Variants in GOSR2 observed in about 807,000 individuals in gnomAD.
The protein encoded by GOSR2 is golgi SNAP receptor complex member 2, also known as 27 kDa Golgi SNARE protein.
Under a neutral mutation model 27.9 loss-of-function variants are expected in GOSR2, and 20 were observed. That is an observed-to-expected ratio of 0.72 (90% CI 0.50 to 1.04). GOSR2 has a LOEUF of 1.04. Ranked by LOEUF, GOSR2 falls within the 50% of genes least tolerant of loss-of-function variation. The probability of loss-of-function intolerance (pLI) is 0.00; values close to 1 mark genes in which losing one functional copy is unlikely to be tolerated. For missense variants in GOSR2, 261 were observed against 270.5 expected (o/e 0.97, Z 0.25); for synonymous variants, 91 against 98.8 (o/e 0.92, Z 0.47).
intron 6 of GOSR2, among the ~76,000 whole-genome samples, chr17:46,974,893 T>C (rs1041029235): frequency 6.6e-6 from 1 of 152,134 alleles, no homozygotes; most frequent in Admixed American, 6.6e-5. Flanking sequence ...GGAAGCTCAG[T>C]GTTTGGCATA....
intron 5 of GOSR2, among the ~76,000 whole-genome samples, chr17:46,938,333 A>G (rs2088757768): frequency 6.6e-6 from 1 of 152,230 alleles, no homozygotes; most frequent in South Asian, 2.1e-4. Flanking sequence ...TATATAAAAT[A>G]CATACCTGTG....
At chr17:46,936,344 A>G in intron 5 of GOSR2, 1 of 985,432 alleles carries the variant, frequency 1.0e-6, no homozygotes, top group Non-Finnish European at 1.2e-6. Context: ...GTTAAGGCAC[A>G]TGCTAACTTC....
At position 46,940,053 on chromosome 17, in the gene GOSR2, G is replaced by T. The variant is rs1473065828; in HGVS notation, c.*1293G>T. ...TTGGTTGTCCTGCCCTACCTGCTCT[G>T]TTAGTTTCTTGTTGCTTGAACTGTC... On this transcript the variant is annotated 3_prime_UTR_variant, in exon 6 of 6. Coordinates refer to ENST00000640051, the MANE Select transcript of GOSR2 (RefSeq NM_004287.5). The T allele has an allele frequency of 1.9e-6, 2 of 1,073,696 alleles. No individual in the cohort carries two copies. Among genetic ancestry groups the T allele is most frequent in the East Asian group, 7.0e-5 (1 of 14,200 alleles). 66.5% of individuals were successfully genotyped at this position (1,073,696 alleles called of 1,614,324 possible).
chr17:46,960,833 T>G (rs1210705867), intron 6 of GOSR2, among the ~76,000 whole-genome samples: 1 of 152,170 alleles, frequency 6.6e-6, no homozygotes, highest in Non-Finnish European at 1.5e-5. Flanking sequence ...AGATCAGTAG[T>G]TGTCTGCATT....
rs1226123732 is a variant in GOSR2, at chr17:46,940,647, C to A, written c.*1887C>A. The A allele has an allele frequency of 6.2e-7, 1 of 1,613,758 alleles. No individual in the cohort carries two copies. Among genetic ancestry groups the A allele is most frequent in the South Asian group, 1.1e-5 (1 of 91,070 alleles). ...TTCTTGAACTCTGGGAGGCAGAAGT[C>A]CCCGCACCCATCATGCGTGGACTGA... is the stretch of plus-strand genomic sequence containing the variant. On this transcript the variant is annotated 3_prime_UTR_variant, in exon 6 of 6. Transcript: ENST00000640051.
downstream of GOSR2, among the ~76,000 whole-genome samples, chr17:46,968,458 G>A (rs373680420): frequency 5.9e-5 from 9 of 152,328 alleles, no homozygotes; most frequent in African/African-American, 1.9e-4. Context: ...TGCGGGGACC[G>A]CTGGAGCAGA....
chr17:46,940,067 G>C lies in GOSR2; in HGVS notation c.*1307G>C. On this transcript the variant is annotated 3_prime_UTR_variant, in exon 6 of 6. Coordinates refer to ENST00000640051, the MANE Select transcript of GOSR2 (RefSeq NM_004287.5). ...CTACCTGCTCTGTTAGTTTCTTGTTGCTTGAACTGTCTTCTGTCTTATTTC... is the reference window on the plus strand; with the variant it reads ...CTACCTGCTCTGTTAGTTTCTTGTTCCTTGAACTGTCTTCTGTCTTATTTC... 1.8e-6 allele frequency: 2 copies of C among 1,087,880 alleles called. No homozygotes were observed. The highest frequency in any genetic ancestry group is 2.2e-6 in the Non-Finnish European group (2 of 893,444). 67.4% of individuals were successfully genotyped at this position (1,087,880 alleles called of 1,614,324 possible).
chr17:46,935,325 T>C, intron 5 of GOSR2, 156 bp downstream of exon 5: 3 of 1,495,652 alleles, frequency 2.0e-6, no homozygotes, highest in Non-Finnish European at 2.7e-6. Context: ...CTGTTGGAGT[T>C]GAGTTATTGT....
Position 46,929,783 on chromosome 17 carries a change from C to T in GOSR2, c.94+199C>T. The T allele has an allele frequency of 5.3e-6, 3 of 563,650 alleles. No homozygotes were observed. The East Asian group carries it at 9.2e-5, about 17-fold the overall frequency. The allele number at this position is 563,650 out of a possible 1,614,324, so 34.9% of individuals were successfully genotyped here. On this transcript the variant is annotated intron_variant, in intron 2 of 5. Transcript: ENST00000640051. ...CCCTTTGGAATCCCACAAGTCTTAT[C>T]CCCCATTACCCCTCCACTCAACCTG...
At position 46,931,092 on chromosome 17, in the gene GOSR2, T is replaced by C. The variant is rs752611190; in HGVS notation, c.95-7T>C. 25 of 1,406,478 alleles carry C rather than the reference T, an allele frequency of 1.8e-5. No homozygotes were observed. The highest frequency in any genetic ancestry group is 2.5e-5 in the Non-Finnish European group (25 of 991,504). The allele number at this position is 1,406,478 out of a possible 1,614,324, so 87.1% of individuals were successfully genotyped here. ...CCAGCAATTATTCTTTTTTCTTTTT[T>C]GTACAGTAGTAGAAAACGAAATCCA... is the stretch of plus-strand genomic sequence containing the variant. On this transcript the variant is annotated splice_region_variant and splice_polypyrimidine_tract_variant and intron_variant, in intron 2 of 5. Coordinates refer to ENST00000640051, the MANE Select transcript of GOSR2 (RefSeq NM_004287.5).
chr17:46,973,110 T>C, intron 6 of GOSR2: 1 of 153,216 alleles, frequency 6.5e-6, no homozygotes, highest in Middle Eastern at 5.2e-4. Context: ...TAATTAAATG[T>C]GTGTGCATGT....
At chr17:46,949,879 G>A (rs1188875164) in intron 6 of GOSR2, among the ~76,000 whole-genome samples, 1 of 152,174 alleles carries the variant, frequency 6.6e-6, no homozygotes, top group Non-Finnish European at 1.5e-5. Flanking sequence ...TGTGGAGGAG[G>A]GAAGAAAGGC....
chr17:46,939,706 G>C lies in GOSR2; in HGVS notation c.*946G>C. 1 of 985,074 alleles carries C rather than the reference G, an allele frequency of 1.0e-6. No homozygotes were observed. The highest frequency in any genetic ancestry group is 1.2e-6 in the Non-Finnish European group (1 of 829,570). The allele number at this position is 985,074 out of a possible 1,614,324, so 61.0% of individuals were successfully genotyped here. A position where few individuals can be genotyped will look rare whatever the true frequency, so the allele number is the denominator to read the frequency against. Reference sequence around the variant, plus strand: ...TCATTTTGCCCAGCCAGTGTGGGCAGATCCCACCGTGGAGACATCTGTAGT... The same window carrying C: ...TCATTTTGCCCAGCCAGTGTGGGCACATCCCACCGTGGAGACATCTGTAGT... On this transcript the variant is annotated 3_prime_UTR_variant, in exon 6 of 6. Transcript: ENST00000640051.
chr17:46,941,784 C>A lies in GOSR2; in HGVS notation c.*3024C>A. ...ATTTTTTAGTAGAGACAGGGTTTTA[C>A]TATGTTGACCAGATTGGTCTTAAAC... On this transcript the variant is annotated 3_prime_UTR_variant, in exon 6 of 6. Coordinates refer to ENST00000640051, the MANE Select transcript of GOSR2 (RefSeq NM_004287.5). 2.1e-5 allele frequency: 4 copies of A among 189,482 alleles called. No homozygotes were observed. Among genetic ancestry groups the A allele is most frequent in the Non-Finnish European group, 3.8e-5 (4 of 104,966 alleles). 11.7% of individuals were successfully genotyped at this position (189,482 alleles called of 1,614,324 possible).
In GOSR2 at chr17:46,940,599, G is replaced by T. The variant is rs575057184; in HGVS notation, c.*1839G>T. On this transcript the variant is annotated 3_prime_UTR_variant, in exon 6 of 6. Coordinates refer to ENST00000640051, the MANE Select transcript of GOSR2 (RefSeq NM_004287.5). Reference sequence around the variant, plus strand: ...GACAGCACACTTTGGAGGAAGGTCTGCAGGGAGCAGCTGAGCCATTTGTTC... The same window carrying T: ...GACAGCACACTTTGGAGGAAGGTCTTCAGGGAGCAGCTGAGCCATTTGTTC... 37 of 1,614,166 alleles carry T rather than the reference G, an allele frequency of 2.3e-5. No homozygotes were observed. In the Admixed American group the frequency reaches 2.5e-4, roughly 11 times the overall value.
At chr17:46,947,700 GAAT>G (rs755747061) in intron 6 of GOSR2, among the ~76,000 whole-genome samples, 1 of 152,194 alleles carries the variant, frequency 6.6e-6, no homozygotes, top group Non-Finnish European at 1.5e-5. Flanking sequence ...TGTATAGTGA[GAAT>G]AATAATAACT....
chr17:46,973,376 T>C (rs2147347894), intron 6 of GOSR2, among the ~76,000 whole-genome samples: 1 of 152,218 alleles, frequency 6.6e-6, no homozygotes, highest in African/African-American at 2.4e-5. Context: ...TTGCCCAGGC[T>C]GGTCTCGAAC....
At chr17:46,955,177 T>C (rs1296146358) in intron 6 of GOSR2, among the ~76,000 whole-genome samples, 29 of 152,048 alleles carry the variant, frequency 1.9e-4, no homozygotes, top group African/African-American at 6.8e-4. Context: ...CTTATTATTT[T>C]GAGATACGTC....
intron 5 of GOSR2, chr17:46,936,559 T>C: frequency 1.0e-6 from 1 of 985,534 alleles, no homozygotes; most frequent in South Asian, 4.7e-5. Flanking sequence ...ACCTACACCA[T>C]TCAAAAGGAA....
Sources: gnomAD v4.1 joint callset for allele counts (sites outside exome capture counted in the v4.1 genomes callset) on GRCh38, gnomAD v4.1.1 for gene constraint, MANE v1.5 for transcripts, NCBI Gene and HGNC (gene_info 2026-07-23, HGNC 2026-07-21) for gene names.